The following SPATA9 variants were observed in gnomAD, a reference collection of about 807,000 sequenced individuals.
SPATA9 encodes the protein spermatogenesis associated 9, also known as spermatogenesis-associated protein 9.
SPATA9 carries 27 observed loss-of-function variants against 25.5 expected under a neutral mutation model. The observed-to-expected ratio is 1.06, with a 90% CI of 0.78 to 1.46. The LOEUF (loss-of-function observed/expected upper bound fraction) is 1.46, where lower values mean the gene tolerates loss of function less well. Ranked by LOEUF, SPATA9 falls within the 40% of genes most tolerant of loss-of-function variation. SPATA9 has a pLI of 0.00. For synonymous variants in SPATA9, 102 were observed against 105.7 expected (o/e 0.97, Z 0.21); for missense variants, 282 against 297.5 (o/e 0.95, Z 0.38).
chr5:95,675,377 A>G (rs1300788440), intron 3 of SPATA9, 35 bp downstream of exon 3: 16 of 1,540,106 alleles, frequency 1.0e-5, no homozygotes, highest in Non-Finnish European at 3.5e-6. Context: ...AGTTTCTTAA[A>G]AAAGGGGAAT....
the SPATA9 span, among the ~76,000 whole-genome samples, chr5:95,704,622 A>G: frequency 6.6e-6 from 1 of 152,186 alleles, no homozygotes; most frequent in African/African-American, 2.4e-5. Flanking sequence ...TTCCTTATAA[A>G]TATATTGCCT....
intron 3 of SPATA9, among the ~76,000 whole-genome samples, chr5:95,668,699 T>A (rs1168844743): frequency 6.6e-6 from 1 of 152,244 alleles, no homozygotes; most frequent in Non-Finnish European, 1.5e-5. Flanking sequence ...GTAAAATATA[T>A]GGATATTTGA....
chr5:95,678,119 G>A (rs1753114470), intron 2 of SPATA9, among the ~76,000 whole-genome samples: 1 of 152,224 alleles, frequency 6.6e-6, no homozygotes, highest in Admixed American at 6.5e-5. Flanking sequence ...GCTCACACCT[G>A]TAATCCCAGC....
At chr5:95,706,396 C>G in the SPATA9 span, among the ~76,000 whole-genome samples, 1 of 151,804 alleles carries the variant, frequency 6.6e-6, no homozygotes, top group Admixed American at 6.6e-5. Flanking sequence ...CCCCTTCCCT[C>G]CCTTCCTCCT....
rs542211526 is a variant in SPATA9, at chr5:95,694,064, G to A, written n.124+4524C>T. Among the ~76,000 whole-genome samples, 3 of 152,248 alleles carry A rather than the reference G, an allele frequency of 2.0e-5. No homozygotes were observed. In the South Asian group the frequency reaches 6.2e-4, roughly 32 times the overall value. On this transcript the variant is annotated intron_variant and non_coding_transcript_variant, in intron 1 of 2. Transcript: ENST00000379990. Reference sequence around the variant, plus strand: ...AGTCCTAGCTACTCTGGAGGCTGAGGTGGGAGGAACACTTGAGCCCAGGAG... The same window carrying A: ...AGTCCTAGCTACTCTGGAGGCTGAGATGGGAGGAACACTTGAGCCCAGGAG...
the SPATA9 span, among the ~76,000 whole-genome samples, chr5:95,725,567 A>G: frequency 6.6e-6 from 1 of 152,226 alleles, no homozygotes; most frequent in East Asian, 1.9e-4. Flanking sequence ...TTTATTTTAT[A>G]ATTATTTATT....
At chr5:95,724,801 T>G in the SPATA9 span, among the ~76,000 whole-genome samples, 1 of 152,306 alleles carries the variant, frequency 6.6e-6, no homozygotes, top group South Asian at 2.1e-4. Context: ...TAATAGAACC[T>G]ACTCCATAGG....
chr5:95,710,097 G>A, the SPATA9 span, among the ~76,000 whole-genome samples: 4 of 152,138 alleles, frequency 2.6e-5, no homozygotes, highest in African/African-American at 9.7e-5. Context: ...TGAGGTGTTT[G>A]CTTGTAAAGC....
chr5:95,705,150 T>C, the SPATA9 span, among the ~76,000 whole-genome samples: 27 of 152,208 alleles, frequency 1.8e-4, no homozygotes, highest in African/African-American at 6.3e-4. Context: ...GTATTTTTTG[T>C]AGAGATAGAG....
At chr5:95,690,367 C>CT (rs1405539994) in intron 1 of SPATA9, among the ~76,000 whole-genome samples, 2 of 152,254 alleles carry the variant, frequency 1.3e-5, no homozygotes, top group African/African-American at 2.4e-5. Flanking sequence ...GCTTTAATAC[C>CT]ATTTGTTAGT....
At chr5:95,675,672 T>C (rs754991559) in intron 2 of SPATA9, 33 bp from the exon 3 acceptor site, 6 of 1,581,936 alleles carry the variant, frequency 3.8e-6, no homozygotes, top group Non-Finnish European at 5.2e-6. Flanking sequence ...GTAACTGATG[T>C]GTAATCTCCA....
rs114848300 is a variant in SPATA9, at chr5:95,675,576, G to A, written c.214C>T (p.Arg72Ter). 1.6e-5 allele frequency: 26 copies of A among 1,614,060 alleles called. No individual in the cohort carries two copies. The African/African-American group carries it at 1.9e-4, about 12-fold the overall frequency. Residue 72 changes from arginine (R) to a stop codon, truncating the protein, a stop_gained, in exon 3 of 5, where the codon CGA (arginine) becomes TGA (stop). Transcript: ENST00000274432. LOFTEE classifies it high-confidence loss of function. ...TTTAATCCACGAATTAATGTTGCTC[G>A]ATTAATCTTAGCTAAAGCAATAGCC... ...RMAIALAKIN[R>*]ATLIRGLNSI...
Position 95,658,696 on chromosome 5 carries a change from T to TAAA in SPATA9, c.691_692insTTT (p.Asn231delinsIleTyr), listed in dbSNP as rs756915715. On this transcript the variant is annotated protein_altering_variant, in exon 5 of 5. Transcript: ENST00000274432. Reference sequence around the variant, plus strand: ...AACTTGGATGTTATTACTCTGCTTATTAGCAAGAAGCTTGGGGTAATCTGA... The same window carrying TAAA: ...AACTTGGATGTTATTACTCTGCTTATAAATAGCAAGAAGCTTGGGGTAATCTGA... 28 of 1,613,760 alleles carry TAAA rather than the reference T, an allele frequency of 1.7e-5. No homozygotes were observed. The African/African-American group carries it at 3.6e-4, about 21-fold the overall frequency.
chr5:95,708,799 G>T, the SPATA9 span: 2 of 595,276 alleles, frequency 3.4e-6, no homozygotes, highest in Non-Finnish European at 3.0e-6. Flanking sequence ...TTCCTTGGAA[G>T]TACCGGCCCT....
chr5:95,716,736 C>G, the SPATA9 span, among the ~76,000 whole-genome samples: 4 of 152,122 alleles, frequency 2.6e-5, no homozygotes, highest in African/African-American at 9.7e-5. Flanking sequence ...GGCTATGTCC[C>G]CAAGAAAATT....
chr5:95,653,255 T>C, intron 8 of SPATA9: 1 of 1,550,510 alleles, frequency 6.4e-7, no homozygotes, highest in Non-Finnish European at 8.7e-7. Flanking sequence ...CACCTTCTCT[T>C]GCTGTAATAG....
chr5:95,655,618 A>T (rs529422575), downstream of SPATA9: 2 of 155,434 alleles, frequency 1.3e-5, no homozygotes, highest in African/African-American at 4.8e-5. Flanking sequence ...TTGGATCACA[A>T]ATTGCTCTTC....
At chr5:95,708,395 T>G in the SPATA9 span, among the ~76,000 whole-genome samples, 2 of 152,234 alleles carry the variant, frequency 1.3e-5, no homozygotes, top group Non-Finnish European at 2.9e-5. Flanking sequence ...CATAATATTA[T>G]TGAGTTGAAT....
intron 1 of SPATA9, among the ~76,000 whole-genome samples, chr5:95,689,008 C>T (rs1281761286): frequency 6.6e-6 from 1 of 152,104 alleles, no homozygotes; most frequent in Non-Finnish European, 1.5e-5. Flanking sequence ...ACCGAAGACA[C>T]ATAAGACACA....
Sources: allele counts gnomAD v4.1 joint callset (sites outside exome capture counted in the v4.1 genomes callset), GRCh38; gene constraint gnomAD v4.1.1; transcripts MANE v1.5; gene names NCBI Gene and HGNC (gene_info 2026-07-23, HGNC 2026-07-21).